NRG3: variants seen among roughly 807,000 people sequenced by gnomAD.
NRG3 encodes the protein neuregulin 3, also known as pro-neuregulin-3, membrane-bound isoform.
In NRG3, 31 loss-of-function variants were observed where a neutral mutation model predicts 66.9. The ratio of observed to expected loss-of-function variants is 0.46; its 90% CI spans 0.35 to 0.63. The LOEUF is 0.63. Among genes scored for constraint, NRG3 ranks in the 20% least tolerant of loss-of-function variants. NRG3 has a pLI of 0.00. For missense variants in NRG3, 910 were observed against 878.9 expected, an observed-to-expected ratio of 1.04 and a Z score of -0.45; for synonymous variants, 393 against 359.4, an observed-to-expected ratio of 1.09 and a Z score of -1.06.
intron 6 of NRG3, among the ~76,000 whole-genome samples, chr10:82,963,812 C>T (rs1272933300): frequency 6.6e-6 from 1 of 152,096 alleles, no homozygotes; most frequent in African/African-American, 2.4e-5. Context: ...TGTCTTTAAA[C>T]AATCACCCCT....
At chr10:82,356,401 C>T (rs1000003079) in intron 1 of NRG3, among the ~76,000 whole-genome samples, 13 of 152,292 alleles carry the variant, frequency 8.5e-5, no homozygotes, top group Non-Finnish European at 1.6e-4. Context: ...AGTTAATATA[C>T]TTCAGCAGCC....
intron 2 of NRG3, among the ~76,000 whole-genome samples, chr10:82,610,122 G>A (rs2048217116): frequency 6.6e-6 from 1 of 152,118 alleles, no homozygotes; most frequent in Non-Finnish European, 1.5e-5. Flanking sequence ...GAGGGCCCCT[G>A]TATTCCATGT....
chr10:81,953,121 A>G (rs4933265), intron 1 of NRG3, among the ~76,000 whole-genome samples: 31,825 of 151,844 alleles, frequency 0.21, 4,030 homozygotes, highest in East Asian at 0.42. Flanking sequence ...CTGCCAGGTC[A>G]TTTCTCTCTA....
chr10:82,132,203 T>A (rs2068873322), intron 1 of NRG3, among the ~76,000 whole-genome samples: 1 of 151,832 alleles, frequency 6.6e-6, no homozygotes, highest in African/African-American at 2.4e-5. Context: ...TGTTGAGATA[T>A]GTTTCTTCCA....
intron 2 of NRG3, among the ~76,000 whole-genome samples, chr10:82,550,493 C>G (rs938372770): frequency 6.6e-6 from 1 of 152,022 alleles, no homozygotes; most frequent in Non-Finnish European, 1.5e-5. Flanking sequence ...AATCCAGTGG[C>G]TTTGCTAGGG....
At chr10:82,910,520 G>A (rs576005827) in intron 4 of NRG3, among the ~76,000 whole-genome samples, 2 of 152,186 alleles carry the variant, frequency 1.3e-5, no homozygotes, top group Non-Finnish European at 2.9e-5. Context: ...ATGCTAGCAG[G>A]AAGGCATGAA....
chr10:81,954,628 T>A (rs896033367), intron 1 of NRG3, among the ~76,000 whole-genome samples: 4 of 152,176 alleles, frequency 2.6e-5, no homozygotes, highest in African/African-American at 9.6e-5. Flanking sequence ...GCTAAAATGA[T>A]CATTGTGTAC....
intron 4 of NRG3, among the ~76,000 whole-genome samples, chr10:82,898,915 G>A (rs890029948): frequency 6.6e-6 from 1 of 151,822 alleles, no homozygotes; most frequent in Non-Finnish European, 1.5e-5. Context: ...GTTTCACCAT[G>A]TTAGCCAGAG....
chr10:82,327,196 A>G (rs1328739422), intron 1 of NRG3, among the ~76,000 whole-genome samples: 1 of 152,150 alleles, frequency 6.6e-6, no homozygotes, highest in Non-Finnish European at 1.5e-5. Context: ...CAGAAGCAAG[A>G]TTAGGATAAG....
At chr10:82,839,440 A>G (rs960478222) in intron 3 of NRG3, among the ~76,000 whole-genome samples, 6 of 151,940 alleles carry the variant, frequency 3.9e-5, no homozygotes, top group South Asian at 2.1e-4. Context: ...TATAATCTCA[A>G]TATATGTTCA....
rs79008212 is a variant in NRG3 at position 82,058,418 on chromosome 10, G to A, written c.823+182255G>A. The stretch of plus-strand genomic sequence containing the variant: ...ATACCATAAAATTATTTTTTAATCT[G>A]ATATTTCTTCTAGTTCTTCCTAGAA... On this transcript the variant is annotated intron_variant, in intron 1 of 8. Coordinates refer to ENST00000372141, the MANE Select transcript of NRG3 (RefSeq NM_001010848.4). Among the ~76,000 whole-genome samples, 552 of 151,818 alleles carry A rather than the reference G, an allele frequency of 3.6e-3. 3 individuals are homozygous for A. Among genetic ancestry groups the A allele is most frequent in the African/African-American group, 0.013 (533 of 41,472 alleles).
chr10:82,188,101 C>T (rs116192699), intron 1 of NRG3, among the ~76,000 whole-genome samples: 3,303 of 152,046 alleles, frequency 0.022, 122 homozygotes, highest in African/African-American at 0.076. Context: ...ATGGTACTGG[C>T]ATACAAAAAG....
At chr10:82,347,821 A>G (rs1325201411) in intron 1 of NRG3, among the ~76,000 whole-genome samples, 13 of 151,976 alleles carry the variant, frequency 8.6e-5, no homozygotes, top group South Asian at 4.2e-4. Flanking sequence ...CCATTATGTA[A>G]TGGCCTTCTT....
At chr10:82,189,957 C>T (rs1303550700) in intron 1 of NRG3, among the ~76,000 whole-genome samples, 9 of 151,388 alleles carry the variant, frequency 5.9e-5, no homozygotes, top group South Asian at 2.1e-4. Flanking sequence ...AGCGAGACCC[C>T]GCCTGAAAAT....
intron 1 of NRG3, among the ~76,000 whole-genome samples, chr10:82,158,494 A>T (rs139631298): frequency 6.6e-6 from 1 of 151,908 alleles, no homozygotes; most frequent in African/African-American, 2.4e-5. Context: ...AGGCCCTTTA[A>T]GAGAAGTGTT....
intron 2 of NRG3, among the ~76,000 whole-genome samples, chr10:82,556,274 A>T (rs1167864635): frequency 1.3e-5 from 2 of 151,840 alleles, no homozygotes; most frequent in Non-Finnish European, 2.9e-5. Flanking sequence ...GCCCTCTCCT[A>T]TGTTATCTCA....
At chr10:81,903,647 C>CGTT (rs1844292777) in intron 1 of NRG3, among the ~76,000 whole-genome samples, 1 of 152,132 alleles carries the variant, frequency 6.6e-6, no homozygotes, top group African/African-American at 2.4e-5. Context: ...CTCCAGTGAA[C>CGTT]CCATCTGGAG....
chr10:82,421,046 G>A (rs765508728), intron 2 of NRG3, among the ~76,000 whole-genome samples: 17 of 152,080 alleles, frequency 1.1e-4, no homozygotes, highest in African/African-American at 1.7e-4. Context: ...GGGATCATCA[G>A]TATCTGTTTG....
intron 1 of NRG3, among the ~76,000 whole-genome samples, chr10:81,995,391 C>A (rs1564721997): frequency 6.6e-6 from 1 of 152,118 alleles, no homozygotes; most frequent in Non-Finnish European, 1.5e-5. Context: ...CCTGTTTGCT[C>A]ACTTGGTTTC....
Sources: gnomAD v4.1 joint callset for allele counts (sites outside exome capture counted in the v4.1 genomes callset) on GRCh38, gnomAD v4.1.1 for gene constraint, MANE v1.5 for transcripts, NCBI Gene and HGNC (gene_info 2026-07-23, HGNC 2026-07-21) for gene names.